The following SH2B1 variants were observed in gnomAD, a reference collection of about 807,000 sequenced individuals.
SH2B1 encodes SH2B adaptor protein 1, also known as SH2B adapter protein 1.
A neutral mutation model predicts 62.6 loss-of-function variants in SH2B1; 15 were observed. That is an observed-to-expected ratio of 0.24 (90% CI 0.16 to 0.37). The LOEUF is 0.37. Ranked by LOEUF, SH2B1 falls within the 10% of genes least tolerant of loss-of-function variation. The probability of loss-of-function intolerance (pLI) is 1.00; values close to 1 mark genes in which losing one functional copy is unlikely to be tolerated. For missense variants in SH2B1, 925 were observed against 1,015.6 expected, an observed-to-expected ratio of 0.91 and a Z score of 1.21; for synonymous variants, 443 against 438.0, an observed-to-expected ratio of 1.01 and a Z score of -0.14.
At position 28,852,392 on chromosome 16, in the gene SH2B1, A is replaced by ACATATATATT. The variant is rs1962142661; in HGVS notation, c.-301+5565_-301+5566insCATATATATT. On this transcript the variant is annotated intron_variant, in intron 1 of 10. Transcript: ENST00000322610. ...TATATATTTACATATATTTATATAT[A>ACATATATATT]TACATATATATTTACATATATATTT... 8.3e-5 allele frequency among the ~76,000 whole-genome samples: 6 copies of ACATATATATT among 72,348 alleles called. 2 individuals are homozygous for ACATATATATT. Among genetic ancestry groups the ACATATATATT allele is most frequent in the Non-Finnish European group, 1.4e-4 (6 of 43,646 alleles). 47.5% of individuals were successfully genotyped at this position (72,348 alleles called of 152,430 possible).
At chr16:28,847,408 C>G (rs1242353247) in intron 1 of SH2B1, among the ~76,000 whole-genome samples, 1 of 152,176 alleles carries the variant, frequency 6.6e-6, no homozygotes, top group African/African-American at 2.4e-5. Flanking sequence ...GATCCTGAGA[C>G]TCAGTGGACA....
upstream of SH2B1, chr16:28,862,242 G>C (rs537596676): frequency 6.6e-6 from 1 of 152,246 alleles, no homozygotes; most frequent in African/African-American, 2.4e-5. Context: ...CTTAGCTCCA[G>C]ACTATATGCC....
chr16:28,863,716 G>C (rs1962527948), upstream of SH2B1: 1 of 1,535,336 alleles, frequency 6.5e-7, no homozygotes, highest in South Asian at 1.2e-5. Context: ...CACCGTCTTC[G>C]GTCTCCTGGG....
chr16:28,865,876 A>T lies in SH2B1; in HGVS notation c.-219A>T. ...TGCCAGGATCTGGGAGAGGGAAGGG[A>T]GGTGTTGGGCTCCCTTCCCCATTGC... On this transcript the variant is annotated 5_prime_UTR_variant, in exon 1 of 8. Coordinates refer to ENST00000684370, the MANE Select transcript of SH2B1 (RefSeq NM_001387430.1). 2.3e-6 allele frequency: 3 copies of T among 1,322,926 alleles called. No homozygotes were observed. Among genetic ancestry groups the T allele is most frequent in the Non-Finnish European group, 2.9e-6 (3 of 1,040,162 alleles). 81.9% of individuals were successfully genotyped at this position (1,322,926 alleles called of 1,614,324 possible). A position where few individuals can be genotyped will look rare whatever the true frequency, so the allele number is the denominator to read the frequency against.
At chr16:28,867,173 GCT>G in intron 1 of SH2B1, 140 bp downstream of exon 1, 1 of 1,344,970 alleles carries the variant, frequency 7.4e-7, no homozygotes, top group Non-Finnish European at 1.0e-6. Flanking sequence ...CTGGCTCTTG[GCT>G]CTGTGTTAGC....
At chr16:28,863,514 G>A, upstream of SH2B1, 1 of 632,034 alleles carries the variant, frequency 1.6e-6, no homozygotes, top group Middle Eastern at 3.7e-4. Context: ...TCCGGTGCTC[G>A]GCGGCTACTC....
At position 28,864,079 on chromosome 16, in the gene SH2B1, A is replaced by G; in HGVS notation, c.-2016A>G. The G allele has an allele frequency of 7.6e-7, 1 of 1,323,744 alleles. No homozygotes were observed. The highest frequency in any genetic ancestry group is 3.4e-5 in the East Asian group (1 of 29,722). The allele number at this position is 1,323,744 out of a possible 1,614,324, so 82.0% of individuals were successfully genotyped here. On this transcript the variant is annotated 5_prime_UTR_variant, in exon 1 of 8. Transcript: ENST00000684370. ...GCTGGAGAGGCACTCGGCCCCGGAGAGTGCAGCAGACAGGGCTGGTCCCGA... is the reference window on the plus strand; with the variant it reads ...GCTGGAGAGGCACTCGGCCCCGGAGGGTGCAGCAGACAGGGCTGGTCCCGA...
chr16:28,858,630 C>A (rs929939700), intron 1 of SH2B1, among the ~76,000 whole-genome samples: 1 of 151,880 alleles, frequency 6.6e-6, no homozygotes, highest in African/African-American at 2.4e-5. Flanking sequence ...AAAGACCAGC[C>A]AAATTCTTTT....
upstream of SH2B1, among the ~76,000 whole-genome samples, chr16:28,861,424 C>T (rs546469290): frequency 2.0e-5 from 3 of 148,636 alleles, no homozygotes; most frequent in South Asian, 2.1e-4. Context: ...CCACTGCGCC[C>T]GGCCATCTTA....
intron 1 of SH2B1, among the ~76,000 whole-genome samples, chr16:28,851,010 A>T (rs1175264281): frequency 6.7e-6 from 1 of 149,550 alleles, no homozygotes; most frequent in Non-Finnish European, 1.5e-5. Context: ...CGTCTCTACT[A>T]AAAAAATACA....
chr16:28,859,202 C>G (rs1329010629), upstream of SH2B1, among the ~76,000 whole-genome samples: 1 of 152,020 alleles, frequency 6.6e-6, no homozygotes. Context: ...CCTCAGCCTC[C>G]TAATGTGTTG....
chr16:28,856,056 C>T (rs1275653669), intron 1 of SH2B1, among the ~76,000 whole-genome samples: 1 of 147,820 alleles, frequency 6.8e-6, no homozygotes, highest in African/African-American at 2.5e-5. Context: ...GTGGATGAAT[C>T]ACGAGGTCAG....
Position 28,865,262 on chromosome 16 carries a change from G to A in SH2B1, c.-833G>A. 1 of 985,674 alleles carries A rather than the reference G, an allele frequency of 1.0e-6. No homozygotes were observed. Among genetic ancestry groups the A allele is most frequent in the African/African-American group, 1.7e-5 (1 of 57,382 alleles). 61.1% of individuals were successfully genotyped at this position (985,674 alleles called of 1,614,324 possible). A position where few individuals can be genotyped will look rare whatever the true frequency, so the allele number is the denominator to read the frequency against. On this transcript the variant is annotated 5_prime_UTR_variant, in exon 1 of 8. Transcript: ENST00000684370. ...GGCCCCAGACTGAAGGGATACCAAA[G>A]AAGTGGGCTGTAGCTATTTCACATC...
At chr16:28,863,504 T>G (rs1254354858), upstream of SH2B1, 1 of 613,020 alleles carries the variant, frequency 1.6e-6, no homozygotes, top group Non-Finnish European at 2.7e-6. Flanking sequence ...CTCGCTGGTT[T>G]CCGGTGCTCG....
upstream of SH2B1, chr16:28,863,384 G>A (rs985241571): frequency 2.6e-5 from 9 of 349,882 alleles, no homozygotes; most frequent in Non-Finnish European, 4.2e-5. Flanking sequence ...GCCTCCCCAA[G>A]GTCACCCGCT....
upstream of SH2B1, among the ~76,000 whole-genome samples, chr16:28,861,920 G>C (rs577563965): frequency 6.6e-6 from 1 of 152,334 alleles, no homozygotes; most frequent in African/African-American, 2.4e-5. Flanking sequence ...TAAGCTTGGA[G>C]CTACAAGAAG....
chr16:28,852,731 T>TAC (rs1962179283), intron 1 of SH2B1, among the ~76,000 whole-genome samples: 1 of 66,890 alleles, frequency 1.5e-5, no homozygotes, highest in African/African-American at 6.0e-5. Context: ...TATTTATATA[T>TAC]ATACATATAT....
At position 28,865,516 on chromosome 16, in the gene SH2B1, G is replaced by A. The variant is rs1962637150; in HGVS notation, c.-579G>A. On this transcript the variant is annotated 5_prime_UTR_variant, in exon 1 of 8. It introduces an in-frame stop codon into an upstream open reading frame of the 5' UTR. Coordinates refer to ENST00000684370, the MANE Select transcript of SH2B1 (RefSeq NM_001387430.1). ...CTGAGGCTGGCCCAGCCGGGCCCTGGGGACAGGGACTATGAAGTGGGGAAA... is the reference window on the plus strand; with the variant it reads ...CTGAGGCTGGCCCAGCCGGGCCCTGAGGACAGGGACTATGAAGTGGGGAAA... The A allele has an allele frequency of 4.1e-6, 4 of 985,496 alleles. No homozygotes were observed. The highest frequency in any genetic ancestry group is 4.8e-6 in the Non-Finnish European group (4 of 829,988). 61.0% of individuals were successfully genotyped at this position (985,496 alleles called of 1,614,324 possible).
upstream of SH2B1, chr16:28,863,610 G>T (rs1962524919): frequency 1.4e-6 from 2 of 1,428,640 alleles, no homozygotes. Context: ...ATTTCCTCCG[G>T]GAGGACGCTC....
Sources: allele counts gnomAD v4.1 joint callset (sites outside exome capture counted in the v4.1 genomes callset), GRCh38; gene constraint gnomAD v4.1.1; transcripts MANE v1.5; gene names NCBI Gene and HGNC (gene_info 2026-07-23, HGNC 2026-07-21).